Variants in BBOX1 observed in about 807,000 individuals in gnomAD.
BBOX1 encodes the protein gamma-butyrobetaine hydroxylase 1.
A neutral mutation model predicts 41.6 loss-of-function variants in BBOX1; 35 were observed. That is an observed-to-expected ratio of 0.84 (90% CI 0.64 to 1.11). The LOEUF (loss-of-function observed/expected upper bound fraction) is 1.11, where lower values mean the gene tolerates loss of function less well. BBOX1 is among the 50% of genes most tolerant of loss of function. BBOX1 has a pLI of 0.00. For synonymous variants in BBOX1, 163 were observed against 154.7 expected (o/e 1.05, Z -0.40); for missense variants, 458 against 460.6 (o/e 0.99, Z 0.05).
intron 5 of BBOX1, among the ~76,000 whole-genome samples, chr11:27,112,694 A>G (rs947712064): frequency 1.3e-5 from 2 of 151,988 alleles, no homozygotes; most frequent in African/African-American, 4.8e-5. Context: ...ACCTAAAACT[A>G]TACAAACTTT....
intron 4 of BBOX1, among the ~76,000 whole-genome samples, chr11:27,062,793 C>T (rs1857169089): frequency 6.6e-6 from 1 of 152,286 alleles, no homozygotes; most frequent in African/African-American, 2.4e-5. Flanking sequence ...GATCTCTTGA[C>T]CTCATGATCC....
chr11:27,051,009 C>T (rs1320912064), intron 2 of BBOX1, among the ~76,000 whole-genome samples: 1 of 151,952 alleles, frequency 6.6e-6, no homozygotes, highest in African/African-American at 2.4e-5. Context: ...GATACATTCC[C>T]TCTATACATC....
At chr11:27,043,906 A>T (rs551487678) in intron 2 of BBOX1, among the ~76,000 whole-genome samples, 2 of 152,050 alleles carry the variant, frequency 1.3e-5, no homozygotes, top group African/African-American at 4.8e-5. Flanking sequence ...ATAAACATAC[A>T]TGTGCACGTG....
chr11:27,090,926 A>T (rs7933763), intron 4 of BBOX1, among the ~76,000 whole-genome samples: 9,111 of 151,894 alleles, frequency 0.06, 913 homozygotes, highest in African/African-American at 0.21. Flanking sequence ...AAGAAGAAAA[A>T]CATGGCTCTT....
chr11:27,063,752 A>G (rs1857202449), intron 4 of BBOX1, among the ~76,000 whole-genome samples: 1 of 152,132 alleles, frequency 6.6e-6, no homozygotes, highest in South Asian at 2.1e-4. Flanking sequence ...CCTTCAGTCT[A>G]TAGCTATAAC....
At chr11:27,077,847 C>G (rs1857688506) in intron 4 of BBOX1, among the ~76,000 whole-genome samples, 1 of 151,954 alleles carries the variant, frequency 6.6e-6, no homozygotes, top group African/African-American at 2.4e-5. Flanking sequence ...TAGTTGGAGC[C>G]TTTTATCATC....
chr11:27,082,110 G>T (rs747435464), intron 4 of BBOX1, among the ~76,000 whole-genome samples: 1 of 152,074 alleles, frequency 6.6e-6, no homozygotes, highest in Non-Finnish European at 1.5e-5. Context: ...GCACCAAGTG[G>T]ATGGTGCTAA....
chr11:27,054,234 T>TGTGTGTGTGC lies in BBOX1; in HGVS notation c.-38-1158_-38-1157insTGTGTGTGCG, dbSNP rs1491475061. On this transcript the variant is annotated intron_variant, in intron 2 of 8. Transcript: ENST00000263182. ...GTGTGTGTGTGTGTGTGTGTGTGTG[T>TGTGTGTGTGC]GCGTGCACATGTGTACATGCATTCC... Among the ~76,000 whole-genome samples the TGTGTGTGTGC allele has an allele frequency of 2.7e-3, 404 of 148,290 alleles. 3 individuals carry two copies. Among genetic ancestry groups the TGTGTGTGTGC allele is most frequent in the South Asian group, 8.1e-3 (38 of 4,686 alleles).
chr11:27,045,608 A>G (rs1053663684), intron 2 of BBOX1, among the ~76,000 whole-genome samples: 1 of 152,144 alleles, frequency 6.6e-6, no homozygotes, highest in Non-Finnish European at 1.5e-5. Context: ...TATTCCTTCA[A>G]TACCTAGTTT....
At chr11:27,045,026 G>T (rs1036255239) in intron 2 of BBOX1, among the ~76,000 whole-genome samples, 2 of 152,132 alleles carry the variant, frequency 1.3e-5, no homozygotes, top group Non-Finnish European at 2.9e-5. Context: ...GGGCAGTATG[G>T]CCATTTTCAC....
chr11:27,093,973 A>G (rs1295284186), intron 5 of BBOX1, among the ~76,000 whole-genome samples: 1 of 152,000 alleles, frequency 6.6e-6, no homozygotes, highest in African/African-American at 2.4e-5. Context: ...TGTTTCTCCA[A>G]GACTTTACAA....
chr11:27,044,802 C>CACCAGTACCATGCTGTTTTGGT (rs1420988382), intron 2 of BBOX1, among the ~76,000 whole-genome samples: 1 of 151,928 alleles, frequency 6.6e-6, no homozygotes, highest in East Asian at 1.9e-4. Flanking sequence ...TCTGTTTTTG[C>CACCAGTACCATGCTGTTTTGGT]ACCAGTACCA....
intron 4 of BBOX1, among the ~76,000 whole-genome samples, chr11:27,064,179 G>T (rs572343232): frequency 6.6e-6 from 1 of 151,454 alleles, no homozygotes; most frequent in Non-Finnish European, 1.5e-5. Context: ...ATTATAAAAA[G>T]AACTAGCAAG....
intron 8 of BBOX1, 86 bp from the exon 9 acceptor site, chr11:27,127,207 C>A: frequency 7.3e-7 from 1 of 1,364,806 alleles, no homozygotes; most frequent in Non-Finnish European, 1.0e-6. Flanking sequence ...AACCAAGCAG[C>A]AGCTGTGTTT....
chr11:27,117,198 A>G (rs1407839141), intron 6 of BBOX1, among the ~76,000 whole-genome samples: 1 of 151,968 alleles, frequency 6.6e-6, no homozygotes, highest in East Asian at 1.9e-4. Flanking sequence ...AGGCAAATGA[A>G]AATTTGGGCA....
intron 4 of BBOX1, among the ~76,000 whole-genome samples, chr11:27,091,134 T>C (rs1858228890): frequency 6.6e-6 from 1 of 152,004 alleles, no homozygotes; most frequent in African/African-American, 2.4e-5. Context: ...TAAATGTCCA[T>C]GAAATCTTCA....
intron 6 of BBOX1, among the ~76,000 whole-genome samples, chr11:27,116,950 G>A (rs1426265032): frequency 6.6e-6 from 1 of 151,986 alleles, no homozygotes; most frequent in Non-Finnish European, 1.5e-5. Flanking sequence ...TCCTTGTCAA[G>A]GAGGGAAATG....
intron 4 of BBOX1, among the ~76,000 whole-genome samples, chr11:27,082,047 C>T (rs1343463672): frequency 6.6e-6 from 1 of 151,896 alleles, no homozygotes; most frequent in African/African-American, 2.4e-5. Context: ...CTGGGTGCCA[C>T]AGACTTTTAA....
intron 3 of BBOX1, among the ~76,000 whole-genome samples, chr11:27,055,931 C>A (rs1856967099): frequency 6.6e-6 from 1 of 152,088 alleles, no homozygotes; most frequent in Non-Finnish European, 1.5e-5. Context: ...TTCTGGGATT[C>A]CCAAAAGCAC....
Sources: allele counts gnomAD v4.1 joint callset (sites outside exome capture counted in the v4.1 genomes callset), GRCh38; gene constraint gnomAD v4.1.1; transcripts MANE v1.5; gene names NCBI Gene and HGNC (gene_info 2026-07-23, HGNC 2026-07-21).